The following PPP4R3B variants were observed in gnomAD, a reference collection of about 807,000 sequenced individuals.
PPP4R3B encodes serine/threonine-protein phosphatase 4 regulatory subunit 3B.
A neutral mutation model predicts 95.4 loss-of-function variants in PPP4R3B; 52 were observed. The ratio of observed to expected loss-of-function variants is 0.54; its 90% CI spans 0.44 to 0.69. The LOEUF is 0.69. Ranked by LOEUF, PPP4R3B falls within the 30% of genes least tolerant of loss-of-function variation. PPP4R3B has a pLI of 0.00. For synonymous variants in PPP4R3B, 407 were observed against 343.9 expected, an observed-to-expected ratio of 1.18 and a Z score of -2.03; for missense variants, 1,003 against 1,005.9, an observed-to-expected ratio of 1.00 and a Z score of 0.04.
chr2:55,617,085 C>A, intron 1 of PPP4R3B, 59 bp downstream of exon 1: 1 of 1,529,712 alleles, frequency 6.5e-7, no homozygotes, highest in South Asian at 1.3e-5. Context: ...GGGCCCTAAA[C>A]CCAAGCTGTG....
chr2:55,564,669 T>A (rs1196155158), intron 14 of PPP4R3B, among the ~76,000 whole-genome samples, 172 bp from the exon 15 acceptor site: 1 of 152,174 alleles, frequency 6.6e-6, no homozygotes, highest in Non-Finnish European at 1.5e-5. Context: ...CACTCCAAAA[T>A]ATTTTAGGAT....
chr2:55,561,697 T>C (rs1049067829), intron 15 of PPP4R3B, among the ~76,000 whole-genome samples: 4 of 152,272 alleles, frequency 2.6e-5, no homozygotes, highest in South Asian at 2.1e-4. Flanking sequence ...CTGCTGGGCT[T>C]TGCACTTGCC....
rs535111989 is a variant in PPP4R3B, at chr2:55,596,257, G to A, written c.921+2159C>T. Among the ~76,000 whole-genome samples, 5 of 152,160 alleles carry A rather than the reference G, an allele frequency of 3.3e-5. No individual in the cohort carries two copies. In the South Asian group the frequency reaches 1.0e-3, roughly 32 times the overall value. On this transcript the variant is annotated intron_variant, in intron 4 of 16. Transcript: ENST00000616407. ...GGCCGAAGCAAATCTGACTTTCAAG[G>A]TGAAAATAAAATATAAAAACTGTTC...
At chr2:55,574,939 T>C (rs1478925632) in intron 11 of PPP4R3B, among the ~76,000 whole-genome samples, 47 of 141,640 alleles carry the variant, frequency 3.3e-4, no homozygotes, top group African/African-American at 1.2e-3. Flanking sequence ...CAACTTCTTT[T>C]TTTTTTTTTT....
chr2:55,598,417 T>C lies in PPP4R3B; in HGVS notation c.920A>G (p.Gln307Arg). The C allele has an allele frequency of 6.2e-7, 1 of 1,611,986 alleles. No homozygotes were observed. Among genetic ancestry groups the C allele is most frequent in the Non-Finnish European group, 8.5e-7 (1 of 1,179,286 alleles). Residue 307 changes from glutamine (Q) to arginine (R), a missense_variant and splice_region_variant, in exon 4 of 17, where the codon CAG becomes CGG. Gln to Arg is a conservative substitution (Grantham distance 43). Transcript: ENST00000616407. ...FNKVEIVSML[Q>R]EDEKFLSEVF... ...CGTGAAGAGTATCTTTTTACTTACC[T>C]GCAACATGCTGACTATCTCAACTTT...
intron 12 of PPP4R3B, among the ~76,000 whole-genome samples, chr2:55,570,167 T>G (rs4672056): frequency 2.6e-5 from 4 of 151,942 alleles, no homozygotes; most frequent in African/African-American, 4.8e-5. Context: ...GGAGAATCAC[T>G]TGAACCCTGG....
chr2:55,615,825 T>A (rs1192224151), intron 1 of PPP4R3B, among the ~76,000 whole-genome samples: 10 of 108,988 alleles, frequency 9.2e-5, no homozygotes, highest in African/African-American at 3.8e-4. Context: ...GCCATTGAAC[T>A]CCAGCCTGGC....
rs372612985 is a variant in PPP4R3B at position 55,616,870 on chromosome 2, TTC to T, written c.142+272_142+273del. Among the ~76,000 whole-genome samples, 32 of 152,248 alleles carry T rather than the reference TTC, an allele frequency of 2.1e-4. No individual in the cohort carries two copies. In the South Asian group the frequency reaches 3.5e-3, roughly 17 times the overall value. ...ACCTAGTCTCTCACTACTTCCTCCC[TTC>T]TCTCTCACACTCTCCCCTCTTCAAA... On this transcript the variant is annotated intron_variant, in intron 1 of 16. Transcript: ENST00000616407.
chr2:55,554,948 T>C (rs1685655784), intron 16 of PPP4R3B, among the ~76,000 whole-genome samples: 1 of 152,190 alleles, frequency 6.6e-6, no homozygotes, highest in Admixed American at 6.5e-5. Context: ...TCTAACTTCA[T>C]TCTTCTGCAT....
chr2:55,607,573 A>T (rs996593954), intron 2 of PPP4R3B, among the ~76,000 whole-genome samples: 3 of 152,190 alleles, frequency 2.0e-5, no homozygotes, highest in Non-Finnish European at 2.9e-5. Flanking sequence ...CAAAGGTTGC[A>T]TTACCTCCCT....
chr2:55,609,590 C>T (rs1399460673), intron 2 of PPP4R3B, among the ~76,000 whole-genome samples: 1 of 150,770 alleles, frequency 6.6e-6, no homozygotes, highest in African/African-American at 2.4e-5. Flanking sequence ...GGAGCCTGAG[C>T]GCAGGAAGTT....
At position 55,552,157 on chromosome 2, in the gene PPP4R3B, C is replaced by T. The variant is rs148056083; in HGVS notation, c.2455-2151G>A. 3.1e-3 allele frequency among the ~76,000 whole-genome samples: 464 copies of T among 151,980 alleles called. 1 individual carries two copies. Among genetic ancestry groups the T allele is most frequent in the African/African-American group, 9.8e-3 (404 of 41,408 alleles). On this transcript the variant is annotated intron_variant, in intron 16 of 16. Coordinates refer to ENST00000616407, the MANE Select transcript of PPP4R3B (RefSeq NM_001122964.3). The stretch of plus-strand genomic sequence containing the variant: ...CTAACATACATTTAAAACATGTTTA[C>T]AATAAAAATAATAAAAATGCAAAAT...
At chr2:55,589,813 G>C (rs1050585196) in intron 4 of PPP4R3B, among the ~76,000 whole-genome samples, 22 of 151,044 alleles carry the variant, frequency 1.5e-4, no homozygotes, top group Non-Finnish European at 2.8e-4. Flanking sequence ...CTACCTGGGA[G>C]GCTGAGGCAG....
chr2:55,555,603 C>T (rs1685748928), intron 16 of PPP4R3B, among the ~76,000 whole-genome samples: 1 of 152,026 alleles, frequency 6.6e-6, no homozygotes, highest in Non-Finnish European at 1.5e-5. Flanking sequence ...AATCCTAGAA[C>T]ATTATAATAA....
At chr2:55,603,911 T>C in intron 3 of PPP4R3B, 67 bp downstream of exon 3, 1 of 1,178,104 alleles carries the variant, frequency 8.5e-7, no homozygotes. Flanking sequence ...ATGTTTGAAG[T>C]AAAAAGGAAA....
At chr2:55,616,059 C>T (rs1694880827) in intron 1 of PPP4R3B, among the ~76,000 whole-genome samples, 1 of 151,456 alleles carries the variant, frequency 6.6e-6, no homozygotes, top group African/African-American at 2.4e-5. Flanking sequence ...TAATCTAAAA[C>T]CAACAATCAA....
At chr2:55,579,367 A>G (rs35504023) in intron 9 of PPP4R3B, among the ~76,000 whole-genome samples, 67,757 of 151,436 alleles carry the variant, frequency 0.45, 15,995 homozygotes, top group Non-Finnish European at 0.52. Flanking sequence ...AAGTGTCTAC[A>G]TATCAATTCC....
At chr2:55,581,808 G>T in intron 7 of PPP4R3B, 110 bp from the exon 8 acceptor site, 5 of 1,139,792 alleles carry the variant, frequency 4.4e-6, no homozygotes, top group Non-Finnish European at 4.7e-6. Context: ...GAGAAAAAAC[G>T]AAGAATGGAA....
At position 55,617,427 on chromosome 2, in the gene PPP4R3B, A is replaced by C; in HGVS notation, c.-142T>G. 4 of 1,006,714 alleles carry C rather than the reference A, an allele frequency of 4.0e-6. No individual in the cohort carries two copies. Among genetic ancestry groups the C allele is most frequent in the South Asian group, 2.3e-5 (1 of 44,262 alleles). 62.4% of individuals were successfully genotyped at this position (1,006,714 alleles called of 1,614,324 possible). ...GAGGCCCGAATTCACCATGGCTCCAAAGGTTCAGCCGCGAGAAGGGGTGAC... is the reference window on the plus strand; with the variant it reads ...GAGGCCCGAATTCACCATGGCTCCACAGGTTCAGCCGCGAGAAGGGGTGAC... On this transcript the variant is annotated 5_prime_UTR_variant, in exon 1 of 17. Coordinates refer to ENST00000616407, the MANE Select transcript of PPP4R3B (RefSeq NM_001122964.3).
Sources: allele counts gnomAD v4.1 joint callset (sites outside exome capture counted in the v4.1 genomes callset), GRCh38; gene constraint gnomAD v4.1.1; transcripts MANE v1.5; gene names NCBI Gene and HGNC (gene_info 2026-07-23, HGNC 2026-07-21).